XIRP2: variants seen among roughly 807,000 people sequenced by gnomAD.
XIRP2 encodes the protein xin actin-binding repeat-containing protein 2.
In XIRP2, 236 loss-of-function variants were observed where a neutral mutation model predicts 277.0. That is an observed-to-expected ratio of 0.85 (90% CI 0.77 to 0.95). The LOEUF (loss-of-function observed/expected upper bound fraction) is 0.95, where lower values mean the gene tolerates loss of function less well. Among genes scored for constraint, XIRP2 ranks in the 40% least tolerant of loss-of-function variants. The probability of loss-of-function intolerance (pLI) is 0.00; values close to 1 mark genes in which losing one functional copy is unlikely to be tolerated. For missense variants in XIRP2, 4,640 were observed against 4,157.5 expected (o/e 1.12, Z -3.19); for synonymous variants, 1,490 against 1,416.5 (o/e 1.05, Z -1.17).
chr2:167,256,335 G>T lies in XIRP2; in HGVS notation c.*40-1522G>T, dbSNP rs368463230. 1.6e-4 allele frequency among the ~76,000 whole-genome samples: 24 copies of T among 151,352 alleles called. No homozygotes were observed. The South Asian group carries it at 5.0e-3, about 32-fold the overall frequency. On this transcript the variant is annotated intron_variant, in intron 10 of 10. Transcript: ENST00000409195. ...TTTCTTTCTGATTATTGAAAAAGTT[G>T]TTTTCATTCTTCTGTTTCTCTTAAG...
At chr2:167,134,546 A>G (rs1261470692) in intron 2 of XIRP2, among the ~76,000 whole-genome samples, 1 of 152,110 alleles carries the variant, frequency 6.6e-6, no homozygotes, top group Non-Finnish European at 1.5e-5. Flanking sequence ...TACTGACATC[A>G]TTATCTGAAT....
At chr2:167,217,574 A>C (rs1694292703) in intron 4 of XIRP2, among the ~76,000 whole-genome samples, 1 of 152,172 alleles carries the variant, frequency 6.6e-6, no homozygotes, top group Non-Finnish European at 1.5e-5. Context: ...TTATTTTAAA[A>C]TGTGGGTAAT....
In XIRP2 at chr2:167,244,076, A is replaced by C. The variant is rs1400054799; in HGVS notation, c.2684A>C (p.Lys895Thr). Residue 895 changes from lysine (K) to threonine (T), a missense_variant, in exon 9 of 11, where the codon AAG becomes ACG. Lys to Thr is a moderately conservative substitution (Grantham distance 78, BLOSUM62 -1). Coordinates refer to ENST00000409195, the MANE Select transcript of XIRP2 (RefSeq NM_152381.6). ...EALKDSPDIG[K>T]LQKITASEEE... ...TTAAAAGACAGTCCTGATATAGGAA[A>C]GCTTCAAAAAATCACTGCCTCTGAA... The C allele has an allele frequency of 6.2e-7, 1 of 1,613,840 alleles. No homozygotes were observed. Among genetic ancestry groups the C allele is most frequent in the Non-Finnish European group, 8.5e-7 (1 of 1,179,922 alleles).
intron 2 of XIRP2, among the ~76,000 whole-genome samples, chr2:167,094,297 T>G (rs901770972): frequency 2.0e-5 from 3 of 152,208 alleles, no homozygotes; most frequent in African/African-American, 7.2e-5. Flanking sequence ...TTTCTTTTGC[T>G]GTGCAGAAGC....
rs1261768608 is a variant in XIRP2 at position 167,251,406 on chromosome 2, G to A, written c.10014G>A (p.Arg3338=). 4.3e-6 allele frequency: 7 copies of A among 1,613,568 alleles called. No individual in the cohort carries two copies. Among genetic ancestry groups the A allele is most frequent in the African/African-American group, 1.3e-5 (1 of 74,964 alleles). The stretch of plus-strand genomic sequence containing the variant: ...AAAATGAAATAAACAGATGGTTCAG[G>A]GAATTTGAGCATGGCCCAGTTTCTG... ...DPENEINRWF[R]EFEHGPVSEA... is the part of the protein sequence containing the mutation. The change falls in exon 9 of 11, where the codon AGG becomes AGA. Residue 3338 remains arginine (R), a synonymous_variant. Coordinates refer to ENST00000409195, the MANE Select transcript of XIRP2 (RefSeq NM_152381.6).
At chr2:167,067,464 G>A (rs7565761) in intron 2 of XIRP2, among the ~76,000 whole-genome samples, 5,049 of 151,972 alleles carry the variant, frequency 0.033, 146 homozygotes, top group African/African-American at 0.077. Context: ...TAATACAGGC[G>A]TACCTCTGAG....
chr2:167,239,896 C>A lies in XIRP2; in HGVS notation c.900C>A (p.Ser300Arg). The A allele has an allele frequency of 6.2e-7, 1 of 1,607,262 alleles. No homozygotes were observed. ...GCCAGGTTGGCACTTCAAGAAGCAG[C>A]CAGGAAATGGCAAGAAATGAACAAG... is the stretch of plus-strand genomic sequence containing the variant. ...HSSQVGTSRS[S>R]QEMARNEQEG... Residue 300 changes from serine to arginine, a missense_variant, in exon 6 of 11, where the codon AGC becomes AGA. Transcript: ENST00000409195.
intron 2 of XIRP2, among the ~76,000 whole-genome samples, chr2:166,910,073 C>G (rs867115322): frequency 1.3e-5 from 2 of 152,134 alleles, no homozygotes; most frequent in South Asian, 2.1e-4. Flanking sequence ...CTAAAATTCT[C>G]TTTTGTTGTT....
At chr2:167,156,010 G>C (rs953994708) in intron 3 of XIRP2, among the ~76,000 whole-genome samples, 10 of 150,256 alleles carry the variant, frequency 6.7e-5, no homozygotes, top group Admixed American at 6.6e-5. Context: ...GCTTCAAAGA[G>C]AATAAAATAC....
At chr2:166,902,551 T>A (rs1223960020) in intron 1 of XIRP2, among the ~76,000 whole-genome samples, 2 of 152,100 alleles carry the variant, frequency 1.3e-5, no homozygotes, top group Non-Finnish European at 2.9e-5. Flanking sequence ...TAGCTATTTC[T>A]GTGGCAAAAA....
rs765668903 is a variant in XIRP2 at position 167,052,245 on chromosome 2, C to G, written c.409-83664C>G. On this transcript the variant is annotated intron_variant, in intron 2 of 10. Coordinates refer to ENST00000409195, the MANE Select transcript of XIRP2 (RefSeq NM_152381.6). The stretch of plus-strand genomic sequence containing the variant: ...AACTAAGAAAATGCAAGCCCAATAT[C>G]ACTAATATTTAGAGGTCATTTTATA... 9.4e-4 allele frequency among the ~76,000 whole-genome samples: 142 copies of G among 151,344 alleles called. 1 individual carries two copies. Among genetic ancestry groups the G allele is most frequent in the Non-Finnish European group, 3.1e-4 (21 of 67,898 alleles).
intron 2 of XIRP2, among the ~76,000 whole-genome samples, chr2:166,977,270 A>G (rs934791861): frequency 2.0e-5 from 3 of 152,192 alleles, no homozygotes; most frequent in African/African-American, 7.2e-5. Flanking sequence ...TGGTTTTCAA[A>G]TTTAGAAAAT....
chr2:167,030,130 GTCTA>G (rs1257024154), intron 2 of XIRP2, among the ~76,000 whole-genome samples: 4 of 152,024 alleles, frequency 2.6e-5, no homozygotes, highest in African/African-American at 9.7e-5. Context: ...CTGGCTAGCA[GTCTA>G]TCTATTTTGT....
intron 2 of XIRP2, among the ~76,000 whole-genome samples, chr2:166,924,019 C>A (rs1418077881): frequency 6.6e-6 from 1 of 151,786 alleles, no homozygotes; most frequent in Non-Finnish European, 1.5e-5. Flanking sequence ...TCAGACTAAG[C>A]AAAGACAGAT....
Position 166,982,208 on chromosome 2 carries a change from T to C in XIRP2, c.408+78318T>C, listed in dbSNP as rs78102342. On this transcript the variant is annotated intron_variant, in intron 2 of 10. Coordinates refer to ENST00000409195, the MANE Select transcript of XIRP2 (RefSeq NM_152381.6). ...CTCCATTATTTCTGATAAAGAGATA[T>C]TCATAACTTCAATTGTTCTTCCTTA... Among the ~76,000 whole-genome samples the C allele has an allele frequency of 5.8e-3, 876 of 152,174 alleles. 9 individuals are homozygous for C. Among genetic ancestry groups the C allele is most frequent in the African/African-American group, 0.02 (830 of 41,558 alleles).
intron 2 of XIRP2, among the ~76,000 whole-genome samples, chr2:166,969,512 T>A (rs1686518123): frequency 6.6e-6 from 1 of 151,872 alleles, no homozygotes; most frequent in Admixed American, 6.6e-5. Flanking sequence ...TAATATCTTC[T>A]GCAGTATGAG....
At chr2:167,032,974 A>G (rs539548921) in intron 2 of XIRP2, among the ~76,000 whole-genome samples, 37 of 152,260 alleles carry the variant, frequency 2.4e-4, no homozygotes, top group African/African-American at 8.4e-4. Flanking sequence ...AAATCATTCT[A>G]CCATAAAGAC....
chr2:167,236,660 A>G (rs1412465280), intron 5 of XIRP2, among the ~76,000 whole-genome samples: 1 of 152,106 alleles, frequency 6.6e-6, no homozygotes, highest in Non-Finnish European at 1.5e-5. Context: ...TAGTAAAGGA[A>G]AGAGTTAGGA....
intron 2 of XIRP2, among the ~76,000 whole-genome samples, chr2:167,116,962 G>C (rs1036463888): frequency 1.3e-5 from 2 of 152,112 alleles, no homozygotes; most frequent in South Asian, 2.1e-4. Context: ...GAGAAATATG[G>C]TTTCATGTAC....
Sources: gnomAD v4.1 joint callset for allele counts (sites outside exome capture counted in the v4.1 genomes callset) on GRCh38, gnomAD v4.1.1 for gene constraint, MANE v1.5 for transcripts, NCBI Gene and HGNC (gene_info 2026-07-23, HGNC 2026-07-21) for gene names.